GAK: variants seen among roughly 807,000 people sequenced by gnomAD.
GAK encodes cyclin-G-associated kinase.
GAK carries 79 observed loss-of-function variants against 143.9 expected under a neutral mutation model. That is an observed-to-expected ratio of 0.55 (90% CI 0.46 to 0.66). The LOEUF is 0.66. Among genes scored for constraint, GAK ranks in the 30% least tolerant of loss-of-function variants. The pLI is 0.00. For synonymous variants in GAK, 881 were observed against 765.5 expected (o/e 1.15, Z -2.49); for missense variants, 1,693 against 1,779.7 (o/e 0.95, Z 0.88).
intron 11 of GAK, among the ~76,000 whole-genome samples, chr4:885,303 C>A (rs571620091): frequency 6.6e-6 from 1 of 152,296 alleles, no homozygotes; most frequent in South Asian, 2.1e-4. Flanking sequence ...GGGCCAGGTG[C>A]GGTGGCTCAT....
At chr4:898,670 T>C (rs1214046066) in intron 5 of GAK, among the ~76,000 whole-genome samples, 1 of 152,184 alleles carries the variant, frequency 6.6e-6, no homozygotes, top group Admixed American at 6.5e-5. Context: ...GAGACACGCC[T>C]GACCAACATG....
chr4:852,591 C>G (rs1039485532), intron 24 of GAK: 3 of 154,102 alleles, frequency 1.9e-5, no homozygotes, highest in Admixed American at 6.4e-5. Context: ...AGGCGCCCAC[C>G]ACCACGCACG....
At position 867,424 on chromosome 4, in the gene GAK, CCTT is replaced by C; in HGVS notation, c.2401_2403del (p.Lys801del). ...GCATTTTCTGCACCAGTCTCTGCCT[CCTT>C]CTCTTCTGCGAAAAGGAAACAAAAC... is the stretch of plus-strand genomic sequence containing the variant. On this transcript the variant is annotated inframe_deletion, in exon 21 of 28. Transcript: ENST00000314167. The C allele has an allele frequency of 6.6e-7, 1 of 1,520,542 alleles. No homozygotes were observed. The highest frequency in any genetic ancestry group is 8.8e-7 in the Non-Finnish European group (1 of 1,130,708). The allele number at this position is 1,520,542 out of a possible 1,614,324, so 94.2% of individuals were successfully genotyped here.
chr4:894,398 C>T (rs1020324072), intron 7 of GAK: 14 of 189,260 alleles, frequency 7.4e-5, no homozygotes, highest in Non-Finnish European at 1.3e-4. Flanking sequence ...CCTGGGCCTG[C>T]GGGGAGTGCA....
chr4:902,149 A>G (rs917820432), intron 5 of GAK, among the ~76,000 whole-genome samples: 1 of 151,878 alleles, frequency 6.6e-6, no homozygotes, highest in Admixed American at 6.6e-5. Flanking sequence ...GAGGTAGGAG[A>G]ATCGCTGGAA....
intron 1 of GAK, among the ~76,000 whole-genome samples, chr4:927,950 A>G (rs1419406901): frequency 6.6e-6 from 1 of 152,224 alleles, no homozygotes; most frequent in East Asian, 1.9e-4. Context: ...TGGTGCCCTC[A>G]GTCACATGGC....
Position 916,513 on chromosome 4 carries a change from C to T in GAK, c.146-2845G>A, listed in dbSNP as rs143340703. The stretch of plus-strand genomic sequence containing the variant: ...CTGGGACTACAGGTGTGAGCCACCA[C>T]GCCCAGAAAACAACAAAATTTTTAA... On this transcript the variant is annotated intron_variant, in intron 1 of 27. Coordinates refer to ENST00000314167, the MANE Select transcript of GAK (RefSeq NM_005255.4). Among the ~76,000 whole-genome samples, 1,330 of 152,268 alleles carry T rather than the reference C, an allele frequency of 8.7e-3. 22 individuals are homozygous for T. The highest frequency in any genetic ancestry group is 0.03 in the African/African-American group (1,251 of 41,538).
At position 902,839 on chromosome 4, in the gene GAK, C is replaced by G. The variant is rs557502910; in HGVS notation, c.525+1798G>C. Among the ~76,000 whole-genome samples, 4 of 152,314 alleles carry G rather than the reference C, an allele frequency of 2.6e-5. No individual in the cohort carries two copies. In the East Asian group the frequency reaches 7.7e-4, roughly 29 times the overall value. The stretch of plus-strand genomic sequence containing the variant: ...ACACAAGCTGCTCCAACGAACCAAA[C>G]ACACAAGCCAGTGGAAAATCTTTGA... On this transcript the variant is annotated intron_variant, in intron 5 of 27. Transcript: ENST00000314167.
At position 877,180 on chromosome 4, in the gene GAK, C is replaced by T. The variant is rs373873427; in HGVS notation, c.1884G>A (p.Ala628=). ...MRDFKIEDGK[A]VIPLGVTVQG... ...GCACCGTGACGCCCAGGGGAATCAC[C>T]GCTTTGCCATCTTCAATCTTAAAGT... is the stretch of plus-strand genomic sequence containing the variant. The change falls in exon 17 of 28, where the codon GCG becomes GCA. Residue 628 remains alanine, a synonymous_variant. Transcript: ENST00000314167. 2.8e-5 allele frequency: 45 copies of T among 1,613,496 alleles called. No homozygotes were observed. The highest frequency in any genetic ancestry group is 8.8e-5 in the South Asian group (8 of 91,056).
At position 894,421 on chromosome 4, in the gene GAK, A is replaced by G. The variant is rs374449166; in HGVS notation, c.742-412T>C. 415 of 166,530 alleles carry G rather than the reference A, an allele frequency of 2.5e-3. 19 individuals carry two copies. The South Asian group carries it at 0.05, about 20-fold the overall frequency. The allele number at this position is 166,530 out of a possible 1,614,324, so 10.3% of individuals were successfully genotyped here. A position where few individuals can be genotyped will look rare whatever the true frequency, so the allele number is the denominator to read the frequency against. The stretch of plus-strand genomic sequence containing the variant: ...TGCGGGGAGTGCAGGGGTGACTCCC[A>G]GGTCTGAGGGGAGAGCAGGGGTGAT... On this transcript the variant is annotated intron_variant, in intron 7 of 27. Transcript: ENST00000314167.
chr4:907,626 G>C (rs908839655), intron 4 of GAK, among the ~76,000 whole-genome samples: 1 of 152,246 alleles, frequency 6.6e-6, no homozygotes, highest in Non-Finnish European at 1.5e-5. Flanking sequence ...CCGGTATGTG[G>C]CTCTTCCCTC....
At chr4:905,591 C>A (rs1720935871) in intron 4 of GAK, among the ~76,000 whole-genome samples, 1 of 151,576 alleles carries the variant, frequency 6.6e-6, no homozygotes, top group Non-Finnish European at 1.5e-5. Context: ...CGCCCCAGGC[C>A]ACGTTACGGA....
At chr4:926,872 GCAACC>G (rs1403313931) in intron 1 of GAK, among the ~76,000 whole-genome samples, 2 of 59,908 alleles carry the variant, frequency 3.3e-5, no homozygotes, top group African/African-American at 6.3e-5. Flanking sequence ...GCACTGCCCC[GCAACC>G]CCCCCCACCC....
chr4:859,861 C>G (rs983242823), intron 23 of GAK, 139 bp from the exon 24 acceptor site: 1 of 648,892 alleles, frequency 1.5e-6, no homozygotes, highest in African/African-American at 1.8e-5. Context: ...CTTGCGTGCA[C>G]GAGACCAGCC....
At chr4:882,081 T>C (rs772872403) in intron 14 of GAK, 41 bp from the exon 15 acceptor site, 11 of 1,563,108 alleles carry the variant, frequency 7.0e-6, no homozygotes, top group South Asian at 1.2e-5. Flanking sequence ...CTCGCACTCA[T>C]GCAGGACAAG....
At chr4:878,540 T>C (rs1714459052) in intron 15 of GAK, among the ~76,000 whole-genome samples, 1 of 152,242 alleles carries the variant, frequency 6.6e-6, no homozygotes. Flanking sequence ...TAGAACGCTC[T>C]ACAGCTGTGT....
chr4:859,664 G>A lies in GAK; in HGVS notation c.3225C>T (p.Thr1075=). Residue 1075 remains threonine (T), a synonymous_variant, in exon 24 of 28, where the codon ACC becomes ACT. Transcript: ENST00000314167. ...CAAATGGGTCCGGGTTCTGAGACTT[G>A]GTCCAGCTGGCCTGAGAGCCACAAG... ...PAPCGSQASW[T]KSQNPDPFAD... 6.2e-7 allele frequency: 1 copy of A among 1,603,652 alleles called. No individual in the cohort carries two copies. The highest frequency in any genetic ancestry group is 8.5e-7 in the Non-Finnish European group (1 of 1,171,364).
In GAK at chr4:913,642, G is replaced by A; in HGVS notation, c.172C>T (p.Gln58Ter). Residue 58 changes from glutamine (Q) to a stop codon, truncating the protein, a stop_gained, in exon 2 of 28, where the codon CAA (glutamine) becomes TAA (stop). Transcript: ENST00000314167. LOFTEE classifies it high-confidence loss of function. ...TACTCTCTGCCACTCCCCACATCTT[G>A]AGCTTCATACACAAATGCAAACCCT... The part of the protein sequence containing the change: ...EGGFAFVYEA[Q>*]DVGSGREYAL... The A allele has an allele frequency of 6.2e-7, 1 of 1,613,666 alleles. No individual in the cohort carries two copies. The highest frequency in any genetic ancestry group is 8.5e-7 in the Non-Finnish European group (1 of 1,179,672).
At chr4:885,337 A>C (rs1415980047) in intron 11 of GAK, among the ~76,000 whole-genome samples, 1 of 152,320 alleles carries the variant, frequency 6.6e-6, no homozygotes, top group East Asian at 1.9e-4. Flanking sequence ...GCACTTTGGG[A>C]GGCCGAGGCA....
Sources: gnomAD v4.1 joint callset for allele counts (sites outside exome capture counted in the v4.1 genomes callset) on GRCh38, gnomAD v4.1.1 for gene constraint, MANE v1.5 for transcripts, NCBI Gene and HGNC (gene_info 2026-07-23, HGNC 2026-07-21) for gene names.